PAK1: variants seen among roughly 807,000 people sequenced by gnomAD.
PAK1 encodes the protein p21 (RAC1) activated kinase 1, also known as serine/threonine-protein kinase PAK 1.
A neutral mutation model predicts 67.4 loss-of-function variants in PAK1; 29 were observed. That is an observed-to-expected ratio of 0.43 (90% CI 0.32 to 0.59). The LOEUF (loss-of-function observed/expected upper bound fraction) is 0.59, where lower values mean the gene tolerates loss of function less well. PAK1 is among the 20% of genes least tolerant of loss of function. The pLI is 0.07. For missense variants in PAK1, 337 were observed against 670.7 expected (o/e 0.50, Z 5.50); for synonymous variants, 223 against 237.4 (o/e 0.94, Z 0.56).
chr11:77,385,782 C>G (rs1348194443), intron 2 of PAK1, among the ~76,000 whole-genome samples: 3 of 152,022 alleles, frequency 2.0e-5, no homozygotes. Context: ...TGCTTGAACC[C>G]AGGAGGTGGA....
chr11:77,451,207 G>T (rs1449086204), intron 1 of PAK1, among the ~76,000 whole-genome samples: 1 of 151,898 alleles, frequency 6.6e-6, no homozygotes, highest in Non-Finnish European at 1.5e-5. Flanking sequence ...TAGCATATGA[G>T]AAAACAGCAG....
chr11:77,430,565 A>G (rs956496501), intron 1 of PAK1, among the ~76,000 whole-genome samples: 2 of 152,238 alleles, frequency 1.3e-5, no homozygotes, highest in East Asian at 3.8e-4. Flanking sequence ...CCACACTATC[A>G]AGACCTTTTC....
At chr11:77,369,562 C>T (rs1040148288) in intron 5 of PAK1, among the ~76,000 whole-genome samples, 1 of 150,962 alleles carries the variant, frequency 6.6e-6, no homozygotes, top group Non-Finnish European at 1.5e-5. Flanking sequence ...ATTATCCTGC[C>T]TCAGCCTCCC....
intron 4 of PAK1, among the ~76,000 whole-genome samples, chr11:77,375,234 A>G (rs955032783): frequency 3.3e-5 from 5 of 152,352 alleles, no homozygotes; most frequent in Admixed American, 6.5e-5. Context: ...ATCATCAGCT[A>G]TATCACTGTC....
At chr11:77,424,715 T>G (rs947768585) in intron 1 of PAK1, among the ~76,000 whole-genome samples, 1 of 152,226 alleles carries the variant, frequency 6.6e-6, no homozygotes, top group Non-Finnish European at 1.5e-5. Flanking sequence ...CCTCCAAAAC[T>G]TCTAATCTTC....
rs1196502321 is a variant in PAK1, at chr11:77,355,527, G to A, written c.772+141C>T. The A allele has an allele frequency of 3.4e-5, 23 of 673,490 alleles. No individual in the cohort carries two copies. In the East Asian group the frequency reaches 5.6e-4, roughly 17 times the overall value. 41.7% of individuals were successfully genotyped at this position (673,490 alleles called of 1,614,324 possible). A position where few individuals can be genotyped will look rare whatever the true frequency, so the allele number is the denominator to read the frequency against. ...GTGAGACAGGGAAGGGAGGTTCAGG[G>A]GCAGGGTGAGGAGAAGCAGTCTGTG... On this transcript the variant is annotated intron_variant, in intron 7 of 14. Transcript: ENST00000356341.
chr11:77,485,809 G>A, the PAK1 span, among the ~76,000 whole-genome samples: 1 of 152,296 alleles, frequency 6.6e-6, no homozygotes, highest in East Asian at 1.9e-4. Context: ...ATTTTAAAAA[G>A]GAGTTATCTA....
intron 1 of PAK1, among the ~76,000 whole-genome samples, chr11:77,397,575 G>A (rs540092992): frequency 6.6e-6 from 1 of 152,316 alleles, no homozygotes; most frequent in South Asian, 2.1e-4. Flanking sequence ...CAGTGCTACA[G>A]TAGAAAGACG....
intron 14 of PAK1, among the ~76,000 whole-genome samples, chr11:77,332,502 G>A (rs1362538012): frequency 6.6e-6 from 1 of 151,050 alleles, no homozygotes; most frequent in Non-Finnish European, 1.5e-5. Context: ...AAAATAGATT[G>A]TAAACTGAGC....
At chr11:77,413,712 AAAAGGAAGGAAGGAAGGAAGAAAAGAAAG>A (rs968801906) in intron 1 of PAK1, among the ~76,000 whole-genome samples, 4 of 152,010 alleles carry the variant, frequency 2.6e-5, no homozygotes. Context: ...AAAAGGAAAG[AAAAGGAAGGAAGGAAGGAAGAAAAGAAAG>A]AAAGAAAGAA....
chr11:77,495,043 T>A, the PAK1 span, among the ~76,000 whole-genome samples: 3 of 151,812 alleles, frequency 2.0e-5, no homozygotes, highest in Non-Finnish European at 4.4e-5. Flanking sequence ...GCGCCTGTAG[T>A]CCCAGCTACT....
At chr11:77,344,005 T>G (rs1025421560) in intron 9 of PAK1, 74 bp from the exon 10 acceptor site, 2 of 932,468 alleles carry the variant, frequency 2.1e-6, no homozygotes, top group Admixed American at 3.4e-5. Flanking sequence ...GTACCAGACC[T>G]TAAGTACTCA....
chr11:77,394,205 AAACAC>A (rs1331942983), intron 1 of PAK1, among the ~76,000 whole-genome samples: 3 of 152,208 alleles, frequency 2.0e-5, no homozygotes, highest in Non-Finnish European at 4.4e-5. Flanking sequence ...CTTTGGAGTT[AAACAC>A]AACAGTGCTT....
At chr11:77,387,163 C>T (rs1198184043) in intron 2 of PAK1, among the ~76,000 whole-genome samples, 3 of 151,358 alleles carry the variant, frequency 2.0e-5, no homozygotes, top group Non-Finnish European at 2.9e-5. Context: ...ACCTCTGCCG[C>T]CCAGATTCAA....
At chr11:77,327,672 G>A (rs1393575862) in intron 14 of PAK1, among the ~76,000 whole-genome samples, 1 of 152,230 alleles carries the variant, frequency 6.6e-6, no homozygotes, top group African/African-American at 2.4e-5. Flanking sequence ...ACCAGCCACT[G>A]CAAAAACATG....
chr11:77,422,790 C>T (rs947404750), intron 1 of PAK1, among the ~76,000 whole-genome samples: 1 of 152,136 alleles, frequency 6.6e-6, no homozygotes, highest in African/African-American at 2.4e-5. Context: ...TAAAATAGAA[C>T]ACAGGCAGAG....
At chr11:77,501,785 A>T in the PAK1 span, among the ~76,000 whole-genome samples, 1,237 of 152,326 alleles carry the variant, frequency 8.1e-3, 5 homozygotes, top group Non-Finnish European at 0.012. Context: ...TCAAATATGG[A>T]TGGGAAAGCT....
At chr11:77,487,365 T>C in the PAK1 span, among the ~76,000 whole-genome samples, 2 of 151,846 alleles carry the variant, frequency 1.3e-5, no homozygotes, top group Non-Finnish European at 2.9e-5. Flanking sequence ...TGGCTTCAGG[T>C]GTAAACCCAG....
intron 1 of PAK1, among the ~76,000 whole-genome samples, chr11:77,394,365 A>C (rs898655663): frequency 6.6e-6 from 1 of 152,184 alleles, no homozygotes; most frequent in African/African-American, 2.4e-5. Context: ...AGTGATCCCA[A>C]TGCCAGTCAG....
Sources: gnomAD v4.1 joint callset for allele counts (sites outside exome capture counted in the v4.1 genomes callset) on GRCh38, gnomAD v4.1.1 for gene constraint, MANE v1.5 for transcripts, NCBI Gene and HGNC (gene_info 2026-07-23, HGNC 2026-07-21) for gene names.